The following NCKAP5 variants were observed in gnomAD, a reference collection of about 807,000 sequenced individuals.
The protein encoded by NCKAP5 is NCK associated protein 5.
NCKAP5 carries 92 observed loss-of-function variants against 167.0 expected under a neutral mutation model. The ratio of observed to expected loss-of-function variants is 0.55; its 90% CI spans 0.47 to 0.66. The LOEUF is 0.66. Among genes scored for constraint, NCKAP5 ranks in the 30% least tolerant of loss-of-function variants. The pLI is 0.00. For synonymous variants in NCKAP5, 891 were observed against 877.4 expected, an observed-to-expected ratio of 1.02 and a Z score of -0.27; for missense variants, 2,378 against 2,315.0, an observed-to-expected ratio of 1.03 and a Z score of -0.56.
chr2:133,555,302 C>T (rs1455836227), intron 2 of NCKAP5, among the ~76,000 whole-genome samples: 1 of 152,218 alleles, frequency 6.6e-6, no homozygotes, highest in African/African-American at 2.4e-5. Context: ...ACAGAGTCAG[C>T]ACTGTCTGTG....
At chr2:133,205,421 A>G (rs2150138762) in intron 5 of NCKAP5, among the ~76,000 whole-genome samples, 2 of 152,298 alleles carry the variant, frequency 1.3e-5, no homozygotes, top group South Asian at 4.1e-4. Context: ...TTCTACTTCC[A>G]TTATATATTC....
rs1015421567 is a variant in NCKAP5, at chr2:133,152,396, T to C, written c.208-22285A>G. ...GAAGATTTTATGTAAGATTAAACTCTAAACCACTGCCTTAAGTTACTTTAC... is the reference window on the plus strand; with the variant it reads ...GAAGATTTTATGTAAGATTAAACTCCAAACCACTGCCTTAAGTTACTTTAC... On this transcript the variant is annotated intron_variant, in intron 5 of 19. Transcript: ENST00000409261. 2.0e-5 allele frequency among the ~76,000 whole-genome samples: 3 copies of C among 152,314 alleles called. 1 individual carries two copies.
In NCKAP5 at chr2:132,773,898, C is replaced by T; in HGVS notation, c.5050-4G>A. ...AGTTTTCATTTGCCTCTTTTACCTGCAGGAAGAAGAAAATGATGCAAGTTC... is the reference window on the plus strand; with the variant it reads ...AGTTTTCATTTGCCTCTTTTACCTGTAGGAAGAAGAAAATGATGCAAGTTC... On this transcript the variant is annotated splice_polypyrimidine_tract_variant and splice_region_variant and intron_variant, in intron 15 of 19. Transcript: ENST00000409261. The T allele has an allele frequency of 6.2e-7, 1 of 1,607,178 alleles. No homozygotes were observed. Among genetic ancestry groups the T allele is most frequent in the Non-Finnish European group, 8.5e-7 (1 of 1,177,618 alleles).
intron 4 of NCKAP5, among the ~76,000 whole-genome samples, chr2:133,298,731 G>T (rs191158122): frequency 8.6e-5 from 13 of 151,950 alleles, no homozygotes; most frequent in African/African-American, 3.1e-4. Context: ...AAAATATTCC[G>T]TATAAATAGT....
intron 6 of NCKAP5, among the ~76,000 whole-genome samples, chr2:133,069,364 A>G (rs1374179569): frequency 1.3e-5 from 2 of 152,182 alleles, no homozygotes; most frequent in Non-Finnish European, 2.9e-5. Flanking sequence ...CCTTTTGGAC[A>G]CTAAATCTTC....
chr2:133,185,316 CTA>C (rs1238058677), intron 5 of NCKAP5, among the ~76,000 whole-genome samples: 2 of 152,038 alleles, frequency 1.3e-5, no homozygotes, highest in African/African-American at 4.8e-5. Context: ...TCTCACTGGT[CTA>C]TGTGTCTGCT....
At chr2:133,554,548 C>G (rs1040719025) in intron 2 of NCKAP5, 5 of 152,154 alleles carry the variant, frequency 3.3e-5, no homozygotes, top group Non-Finnish European at 5.9e-5. Flanking sequence ...GTACTCTGAT[C>G]AGTTCCTAGT....
At chr2:133,207,966 T>A (rs2086030423) in intron 5 of NCKAP5, among the ~76,000 whole-genome samples, 1 of 151,982 alleles carries the variant, frequency 6.6e-6, no homozygotes, top group East Asian at 1.9e-4. Context: ...GAAAGGGTGG[T>A]GGGGTGGCAA....
intron 4 of NCKAP5, among the ~76,000 whole-genome samples, chr2:133,263,705 C>T (rs1574534923): frequency 6.6e-6 from 1 of 152,104 alleles, no homozygotes; most frequent in South Asian, 2.1e-4. Flanking sequence ...TACATCCTCC[C>T]TAAAAATTAT....
chr2:132,972,329 T>C (rs983995822), intron 7 of NCKAP5, among the ~76,000 whole-genome samples: 3 of 152,178 alleles, frequency 2.0e-5, no homozygotes, highest in Non-Finnish European at 4.4e-5. Context: ...CTGTAACTAC[T>C]TTCAGTGGCT....
chr2:132,783,170 T>A lies in NCKAP5; in HGVS notation c.3641A>T (p.Gln1214Leu), dbSNP rs1683210748. ...GERNVTLPDSQAQGSLADGLP... is the reference protein window; with the variant it reads ...GERNVTLPDSLAQGSLADGLP... ...CCCATCAGCTAAACTGCCCTGTGCT[T>A]GTGAATCCGGTAGGGTCACATTTCT... The change falls in exon 14 of 20, where the codon CAA becomes CTA. Residue 1214 changes from glutamine (Q) to leucine (L), a missense_variant. Physicochemically the swap from Gln to Leu is moderately radical, Grantham distance 113. Coordinates refer to ENST00000409261, the MANE Select transcript of NCKAP5 (RefSeq NM_207363.3). The A allele has an allele frequency of 6.2e-7, 1 of 1,613,712 alleles. No homozygotes were observed. The highest frequency in any genetic ancestry group is 2.2e-5 in the East Asian group (1 of 44,872).
chr2:133,210,114 G>A (rs1003325229), intron 5 of NCKAP5, among the ~76,000 whole-genome samples: 3 of 151,106 alleles, frequency 2.0e-5, no homozygotes, highest in Non-Finnish European at 2.9e-5. Flanking sequence ...GCAGTGAGCC[G>A]AGACCGGGCC....
intron 5 of NCKAP5, among the ~76,000 whole-genome samples, chr2:133,201,796 A>G (rs116204881): frequency 0.026 from 3,943 of 152,234 alleles, 182 homozygotes; most frequent in African/African-American, 0.09. Context: ...GAGACATAGA[A>G]GGCCATTCCA....
intron 3 of NCKAP5, among the ~76,000 whole-genome samples, chr2:133,383,463 A>C (rs1415561991): frequency 6.6e-6 from 1 of 151,954 alleles, no homozygotes; most frequent in African/African-American, 2.4e-5. Flanking sequence ...CCAGTCTATC[A>C]TTGTTGGACA....
the NCKAP5 span, among the ~76,000 whole-genome samples, chr2:133,619,888 A>G: frequency 2.6e-5 from 4 of 152,310 alleles, no homozygotes; most frequent in Admixed American, 1.3e-4. Flanking sequence ...AAAACCTATC[A>G]TATTAACAGC....
chr2:133,243,048 T>C (rs901197677), intron 4 of NCKAP5, among the ~76,000 whole-genome samples: 2 of 152,182 alleles, frequency 1.3e-5, no homozygotes, highest in South Asian at 2.1e-4. Context: ...TATTATGCTA[T>C]AAAATCAAAA....
intron 2 of NCKAP5, among the ~76,000 whole-genome samples, chr2:133,542,704 T>C (rs1686330779): frequency 6.6e-6 from 1 of 152,166 alleles, no homozygotes. Flanking sequence ...TCCATCTGAA[T>C]AGCTATGTAT....
intron 6 of NCKAP5, among the ~76,000 whole-genome samples, chr2:133,124,515 A>C (rs1381519673): frequency 6.6e-6 from 1 of 152,214 alleles, no homozygotes; most frequent in Non-Finnish European, 1.5e-5. Flanking sequence ...GTCACTATGC[A>C]ATCATTAATT....
At chr2:133,318,493 C>A (rs952519449) in intron 3 of NCKAP5, among the ~76,000 whole-genome samples, 1 of 152,120 alleles carries the variant, frequency 6.6e-6, no homozygotes, top group African/African-American at 2.4e-5. Flanking sequence ...GCTGATACAA[C>A]CTGATGTAAA....
Sources: gnomAD v4.1 joint callset for allele counts (sites outside exome capture counted in the v4.1 genomes callset) on GRCh38, gnomAD v4.1.1 for gene constraint, MANE v1.5 for transcripts, NCBI Gene and HGNC (gene_info 2026-07-23, HGNC 2026-07-21) for gene names.